The following LRRC4C variants were observed in gnomAD, a reference collection of about 807,000 sequenced individuals.
The protein encoded by LRRC4C is leucine-rich repeat-containing protein 4C.
LRRC4C carries 5 observed loss-of-function variants against 33.6 expected under a neutral mutation model. The ratio of observed to expected loss-of-function variants is 0.15; its 90% CI spans 0.08 to 0.31. The LOEUF is 0.31. Among genes scored for constraint, LRRC4C ranks in the 10% least tolerant of loss-of-function variants. LRRC4C has a pLI of 1.00. For missense variants in LRRC4C, 560 were observed against 796.7 expected (o/e 0.70, Z 3.58); for synonymous variants, 329 against 302.0 (o/e 1.09, Z -0.93).
intron 4 of LRRC4C, among the ~76,000 whole-genome samples, chr11:40,282,399 C>T (rs1424133054): frequency 6.6e-6 from 1 of 151,926 alleles, no homozygotes; most frequent in Non-Finnish European, 1.5e-5. Flanking sequence ...CCTGGCATAC[C>T]TTCCCAAATC....
At chr11:40,450,435 A>C (rs1162725418) in intron 3 of LRRC4C, among the ~76,000 whole-genome samples, 1 of 152,094 alleles carries the variant, frequency 6.6e-6, no homozygotes, top group African/African-American at 2.4e-5. Flanking sequence ...AAAAATATTT[A>C]TTATATTATT....
chr11:40,156,963 A>G (rs1858751466), intron 5 of LRRC4C, among the ~76,000 whole-genome samples: 2 of 152,126 alleles, frequency 1.3e-5, no homozygotes, highest in South Asian at 4.1e-4. Flanking sequence ...CCAAAGCAAG[A>G]CTAAGCAAAA....
intron 1 of LRRC4C, among the ~76,000 whole-genome samples, chr11:41,186,234 T>G (rs1487087): frequency 0.93 from 141,028 of 152,182 alleles, 65,826 homozygotes; most frequent in East Asian, 1. Context: ...AAAACTAAGT[T>G]TAGCATCAGC....
At chr11:40,381,487 C>T (rs1948864913) in intron 3 of LRRC4C, among the ~76,000 whole-genome samples, 1 of 152,104 alleles carries the variant, frequency 6.6e-6, no homozygotes, top group Non-Finnish European at 1.5e-5. Flanking sequence ...TTATCAAGTA[C>T]ATACTGTCTC....
At chr11:40,682,065 A>G (rs1944716423) in intron 2 of LRRC4C, among the ~76,000 whole-genome samples, 1 of 152,116 alleles carries the variant, frequency 6.6e-6, no homozygotes, top group Non-Finnish European at 1.5e-5. Context: ...CATGTAACCA[A>G]ATACCACCTG....
At chr11:41,293,309 G>T (rs953179182) in intron 1 of LRRC4C, among the ~76,000 whole-genome samples, 5 of 152,090 alleles carry the variant, frequency 3.3e-5, no homozygotes, top group African/African-American at 1.2e-4. Context: ...AAAAGATAAT[G>T]TTCTATAGTA....
intron 5 of LRRC4C, among the ~76,000 whole-genome samples, chr11:40,173,209 G>T (rs1860192031): frequency 6.6e-6 from 1 of 152,208 alleles, no homozygotes; most frequent in Non-Finnish European, 1.5e-5. Context: ...AACTCACCTA[G>T]TTTGTGGCAC....
chr11:40,351,138 T>G (rs1474906420), intron 3 of LRRC4C, among the ~76,000 whole-genome samples: 3 of 152,044 alleles, frequency 2.0e-5, no homozygotes, highest in Non-Finnish European at 2.9e-5. Flanking sequence ...ATGGTGAAAG[T>G]GGGCATCCTT....
intron 1 of LRRC4C, among the ~76,000 whole-genome samples, chr11:41,440,712 G>A (rs944636573): frequency 6.6e-6 from 1 of 152,060 alleles, no homozygotes; most frequent in Non-Finnish European, 1.5e-5. Context: ...CATAGGGGCG[G>A]ATTTCCCCCT....
intron 3 of LRRC4C, among the ~76,000 whole-genome samples, chr11:40,504,369 TG>T (rs1362859452): frequency 6.6e-6 from 1 of 152,014 alleles, no homozygotes; most frequent in Admixed American, 6.6e-5. Context: ...AGGGATGCCA[TG>T]GAGGATATTC....
At chr11:40,339,366 A>G (rs1198968145) in intron 3 of LRRC4C, among the ~76,000 whole-genome samples, 1 of 152,208 alleles carries the variant, frequency 6.6e-6, no homozygotes, top group Non-Finnish European at 1.5e-5. Context: ...GTGTTAGTGA[A>G]AGTGCTTAAT....
intron 3 of LRRC4C, among the ~76,000 whole-genome samples, chr11:40,385,025 AC>A (rs1384456315): frequency 1.3e-5 from 2 of 152,076 alleles, no homozygotes; most frequent in African/African-American, 4.8e-5. Flanking sequence ...AATTGGCATA[AC>A]AATATACATA....
chr11:41,197,572 C>T (rs1456353170), intron 1 of LRRC4C, among the ~76,000 whole-genome samples: 6 of 151,962 alleles, frequency 3.9e-5, no homozygotes, highest in Non-Finnish European at 8.8e-5. Context: ...TTCTGAAATT[C>T]TTTACTAGCA....
At chr11:40,572,748 G>GTC (rs1958033896) in intron 3 of LRRC4C, among the ~76,000 whole-genome samples, 1 of 152,188 alleles carries the variant, frequency 6.6e-6, no homozygotes, top group Non-Finnish European at 1.5e-5. Context: ...TGAGACAGGA[G>GTC]TCACACAGTG....
At chr11:41,313,588 T>G (rs1355207984) in intron 1 of LRRC4C, among the ~76,000 whole-genome samples, 3 of 152,212 alleles carry the variant, frequency 2.0e-5, no homozygotes, top group Non-Finnish European at 2.9e-5. Context: ...ATTTACATAG[T>G]AATTCAGGGA....
intron 3 of LRRC4C, among the ~76,000 whole-genome samples, chr11:40,625,777 C>T (rs1962870752): frequency 6.6e-6 from 1 of 151,976 alleles, no homozygotes; most frequent in South Asian, 2.1e-4. Flanking sequence ...CTCTATTTAC[C>T]TTCAAAAATT....
At chr11:41,381,452 C>T (rs1038659871) in intron 1 of LRRC4C, among the ~76,000 whole-genome samples, 1 of 151,644 alleles carries the variant, frequency 6.6e-6, no homozygotes, top group African/African-American at 2.4e-5. Flanking sequence ...AGGGTGAAAC[C>T]CTGTCTGTAC....
intron 3 of LRRC4C, among the ~76,000 whole-genome samples, chr11:40,512,145 A>G (rs1955349148): frequency 6.6e-6 from 1 of 152,166 alleles, no homozygotes; most frequent in African/African-American, 2.4e-5. Context: ...TAAATTCTAC[A>G]TTTTTATTAT....
intron 2 of LRRC4C, among the ~76,000 whole-genome samples, chr11:40,913,921 T>C (rs1398343104): frequency 6.6e-6 from 1 of 152,022 alleles, no homozygotes; most frequent in Non-Finnish European, 1.5e-5. Flanking sequence ...TATAAACACC[T>C]CTATGCAAAT....
Sources: gnomAD v4.1 joint callset for allele counts (sites outside exome capture counted in the v4.1 genomes callset) on GRCh38, gnomAD v4.1.1 for gene constraint, MANE v1.5 for transcripts, NCBI Gene and HGNC (gene_info 2026-07-23, HGNC 2026-07-21) for gene names.